The following COL24A1 variants were observed in gnomAD, a reference collection of about 807,000 sequenced individuals.
COL24A1 encodes collagen alpha-1(XXIV) chain.
Under a neutral mutation model 253.9 loss-of-function variants are expected in COL24A1, and 224 were observed. The ratio of observed to expected loss-of-function variants is 0.88; its 90% CI spans 0.79 to 0.99. The LOEUF (loss-of-function observed/expected upper bound fraction) is 0.99. Among genes scored for constraint, COL24A1 ranks in the 50% least tolerant of loss-of-function variants. The pLI is 0.00. For synonymous variants in COL24A1, 685 were observed against 673.7 expected, an observed-to-expected ratio of 1.02 and a Z score of -0.26; for missense variants, 2,131 against 2,068.5, an observed-to-expected ratio of 1.03 and a Z score of -0.59.
chr1:85,966,883 G>T (rs1252120098), intron 22 of COL24A1, among the ~76,000 whole-genome samples: 1 of 152,002 alleles, frequency 6.6e-6, no homozygotes, highest in Non-Finnish European at 1.5e-5. Context: ...AAAAGGGAAA[G>T]AAAAAATAGG....
At chr1:85,815,450 C>T (rs1010879240) in intron 47 of COL24A1, among the ~76,000 whole-genome samples, 40 of 152,046 alleles carry the variant, frequency 2.6e-4, no homozygotes, top group Non-Finnish European at 2.8e-4. Flanking sequence ...GTTAAAGTTT[C>T]GTAGGCCGTA....
At chr1:86,063,855 T>C in intron 7 of COL24A1, 96 bp from the exon 8 acceptor site, 1 of 639,246 alleles carries the variant, frequency 1.6e-6, no homozygotes, top group Non-Finnish European at 2.5e-6. Flanking sequence ...TCCCAACTTT[T>C]GGTTGCCTCA....
chr1:85,971,264 G>T (rs1692139545), intron 21 of COL24A1, 76 bp downstream of exon 21: 1 of 1,150,168 alleles, frequency 8.7e-7, no homozygotes, highest in East Asian at 2.4e-5. Flanking sequence ...AAAAACTGAA[G>T]GCCCACAATA....
At chr1:85,978,398 T>G (rs1277255063) in intron 20 of COL24A1, among the ~76,000 whole-genome samples, 1 of 151,982 alleles carries the variant, frequency 6.6e-6, no homozygotes, top group African/African-American at 2.4e-5. Flanking sequence ...TAACGTTGAA[T>G]GTAAATAGCC....
At chr1:85,920,188 G>A (rs1050404013) in intron 24 of COL24A1, among the ~76,000 whole-genome samples, 1 of 152,126 alleles carries the variant, frequency 6.6e-6, no homozygotes, top group Non-Finnish European at 1.5e-5. Flanking sequence ...AGAAGAAGAA[G>A]TAAAATAATA....
chr1:86,130,478 G>T (rs1024159878), intron 2 of COL24A1, among the ~76,000 whole-genome samples: 5 of 151,680 alleles, frequency 3.3e-5, no homozygotes, highest in African/African-American at 9.7e-5. Flanking sequence ...ATTTAGAAGG[G>T]TTTGTATTTT....
Position 85,731,152 on chromosome 1 carries a change from T to A in COL24A1, c.4999-460A>T, listed in dbSNP as rs1663432027. 2.0e-5 allele frequency among the ~76,000 whole-genome samples: 3 copies of A among 152,382 alleles called. No homozygotes were observed. The South Asian group carries it at 6.2e-4, about 32-fold the overall frequency. On this transcript the variant is annotated intron_variant, in intron 59 of 59. Coordinates refer to ENST00000370571, the MANE Select transcript of COL24A1 (RefSeq NM_152890.7). ...CCTCAGTCAGAAATAGTTAAAATTA[T>A]AATTATGTGCAATCATCTTTTAGGT...
At chr1:85,811,344 A>G (rs770127053) in intron 47 of COL24A1, among the ~76,000 whole-genome samples, 17 of 152,180 alleles carry the variant, frequency 1.1e-4, no homozygotes, top group South Asian at 2.1e-4. Context: ...TCTTTTTACT[A>G]TCTATATGTA....
At chr1:85,831,766 A>G (rs1323295102) in intron 43 of COL24A1, among the ~76,000 whole-genome samples, 1 of 152,048 alleles carries the variant, frequency 6.6e-6, no homozygotes, top group Non-Finnish European at 1.5e-5. Context: ...TAGCATGGGA[A>G]ATAAAGGGAT....
At chr1:86,068,499 C>T (rs1292960349) in intron 7 of COL24A1, among the ~76,000 whole-genome samples, 1 of 152,160 alleles carries the variant, frequency 6.6e-6, no homozygotes, top group Non-Finnish European at 1.5e-5. Context: ...CCACCATGGG[C>T]TGAAGTACTC....
In COL24A1 at chr1:85,955,472, T is replaced by C. The variant is rs1690348927; in HGVS notation, c.2562+5777A>G. Reference sequence around the variant, plus strand: ...ACAAGCCGCCTGCAGACGGCAAAGCTGAAAGAGCACACTGTAACACATGCC... The same window carrying C: ...ACAAGCCGCCTGCAGACGGCAAAGCCGAAAGAGCACACTGTAACACATGCC... On this transcript the variant is annotated intron_variant, in intron 24 of 59. Transcript: ENST00000370571. Among the ~76,000 whole-genome samples, 4 of 152,350 alleles carry C rather than the reference T, an allele frequency of 2.6e-5. No individual in the cohort carries two copies. The South Asian group carries it at 8.3e-4, about 32-fold the overall frequency.
intron 37 of COL24A1, among the ~76,000 whole-genome samples, chr1:85,863,382 C>T (rs1312385752): frequency 6.6e-6 from 1 of 152,108 alleles, no homozygotes; most frequent in African/African-American, 2.4e-5. Flanking sequence ...AGAGGGTATC[C>T]TTGTCTTGTG....
In COL24A1 at chr1:85,910,002, C is replaced by G; in HGVS notation, c.2618G>C (p.Gly873Ala). ...TAGTGGGCCTGGACTTCCACGTTCT[C>G]CCTTTTAAGAGAACAAAGAAAAAAG... Reference protein sequence around the residue: ...VGMTGSIGEKGERGSPGPLGP... With the variant: ...VGMTGSIGEKAERGSPGPLGP... Residue 873 changes from glycine to alanine, a missense_variant and splice_region_variant, in exon 26 of 60, where the codon GGA becomes GCA. Transcript: ENST00000370571. The G allele has an allele frequency of 6.2e-7, 1 of 1,609,330 alleles. No individual in the cohort carries two copies. The highest frequency in any genetic ancestry group is 1.1e-5 in the South Asian group (1 of 90,912).
At chr1:85,794,886 T>G (rs1453426665) in intron 47 of COL24A1, among the ~76,000 whole-genome samples, 1 of 152,146 alleles carries the variant, frequency 6.6e-6, no homozygotes, top group Non-Finnish European at 1.5e-5. Context: ...ACTTCCTTTA[T>G]TCTCAGATAG....
rs186189280 is a variant in COL24A1, at chr1:85,864,424, G to C, written c.3300+4095C>G. ...GGGGGAGGGGGGAGGGATAGCATTA[G>C]GTGATATATCTAATGTAAATGACTA... is the stretch of plus-strand genomic sequence containing the variant. On this transcript the variant is annotated intron_variant, in intron 37 of 59. Coordinates refer to ENST00000370571, the MANE Select transcript of COL24A1 (RefSeq NM_152890.7). 1.9e-3 allele frequency among the ~76,000 whole-genome samples: 296 copies of C among 151,870 alleles called. 3 individuals are homozygous for C. Among genetic ancestry groups the C allele is most frequent in the African/African-American group, 6.9e-3 (285 of 41,404 alleles).
intron 51 of COL24A1, among the ~76,000 whole-genome samples, chr1:85,781,589 CTACTT>C (rs1214537005): frequency 1.3e-5 from 2 of 151,974 alleles, no homozygotes; most frequent in African/African-American, 2.4e-5. Context: ...ACAAATAAAA[CTACTT>C]TATATAAAAA....
intron 58 of COL24A1, 26 bp from the exon 59 acceptor site, chr1:85,734,990 G>C (rs761978032): frequency 6.2e-7 from 1 of 1,601,990 alleles, no homozygotes; most frequent in Admixed American, 1.7e-5. Context: ...TGATATGCAG[G>C]TTATAACATG....
intron 48 of COL24A1, 81 bp from the exon 49 acceptor site, chr1:85,784,447 C>T (rs1007516482): frequency 8.0e-6 from 8 of 1,000,498 alleles, no homozygotes; most frequent in South Asian, 2.7e-5. Context: ...CAAATACAGG[C>T]CCATCCTTAG....
intron 16 of COL24A1, 23 bp downstream of exon 16, chr1:86,022,810 T>C: frequency 7.2e-7 from 1 of 1,385,472 alleles, no homozygotes. Flanking sequence ...AAATTATTTT[T>C]ATAATATTAA....
Sources: allele counts gnomAD v4.1 joint callset (sites outside exome capture counted in the v4.1 genomes callset), GRCh38; gene constraint gnomAD v4.1.1; transcripts MANE v1.5; gene names NCBI Gene and HGNC (gene_info 2026-07-23, HGNC 2026-07-21).